Variants in RAD51B observed in about 807,000 individuals in gnomAD.
RAD51B encodes RAD51 paralog B.
A neutral mutation model predicts 42.2 loss-of-function variants in RAD51B; 38 were observed. The observed-to-expected ratio is 0.90, with a 90% CI of 0.70 to 1.18. The LOEUF is 1.18. Among genes scored for constraint, RAD51B ranks in the 50% most tolerant of loss-of-function variants. The pLI is 0.00. For missense variants in RAD51B, 373 were observed against 400.7 expected (o/e 0.93, Z 0.59); for synonymous variants, 154 against 145.2 (o/e 1.06, Z -0.43).
intron 7 of RAD51B, among the ~76,000 whole-genome samples, chr14:67,903,359 A>G (rs543716341): frequency 1.7e-3 from 263 of 152,304 alleles, no homozygotes; most frequent in African/African-American, 6.1e-3. Flanking sequence ...TTCTTTCTGA[A>G]GTGTAACCTA....
chr14:68,335,070 G>A (rs540516552), intron 8 of RAD51B, among the ~76,000 whole-genome samples: 1 of 150,286 alleles, frequency 6.7e-6, no homozygotes, highest in African/African-American at 2.4e-5. Context: ...GCCGAGGCAG[G>A]CAGATCACTT....
chr14:67,850,528 A>G (rs1451192707), intron 4 of RAD51B, among the ~76,000 whole-genome samples: 3 of 152,066 alleles, frequency 2.0e-5, no homozygotes, highest in Admixed American at 6.6e-5. Flanking sequence ...CTTACGGGTG[A>G]GAGTCAGCTG....
At chr14:67,910,571 A>G (rs1036991987) in intron 7 of RAD51B, among the ~76,000 whole-genome samples, 7 of 151,850 alleles carry the variant, frequency 4.6e-5, no homozygotes, top group Non-Finnish European at 5.9e-5. Flanking sequence ...TGACTCGTAA[A>G]GTCAGTGTCG....
chr14:68,375,096 G>A lies in RAD51B; in HGVS notation c.854-36328G>A, dbSNP rs17105484. Reference sequence around the variant, plus strand: ...TGTAAAGGTTAGTGCAGATGGAACTGCTTCAACAACCAAAACTTAGCGTTA... The same window carrying A: ...TGTAAAGGTTAGTGCAGATGGAACTACTTCAACAACCAAAACTTAGCGTTA... On this transcript the variant is annotated intron_variant, in intron 8 of 10. Transcript: ENST00000471583. Among the ~76,000 whole-genome samples, 609 of 152,090 alleles carry A rather than the reference G, an allele frequency of 4.0e-3. 7 individuals are homozygous for A. The highest frequency in any genetic ancestry group is 0.014 in the African/African-American group (581 of 41,476).
At chr14:67,893,490 ACACACACAC>A (rs2043287030) in intron 7 of RAD51B, among the ~76,000 whole-genome samples, 2 of 76,484 alleles carry the variant, frequency 2.6e-5, no homozygotes, top group African/African-American at 1.4e-4. Flanking sequence ...ACACACACAC[ACACACACAC>A]ACACACACAC....
At chr14:68,450,343 C>T (rs949861792) in intron 9 of RAD51B, among the ~76,000 whole-genome samples, 1 of 150,796 alleles carries the variant, frequency 6.6e-6, no homozygotes. Flanking sequence ...CTCAGCGTCT[C>T]GAGTAGCTGG....
intron 4 of RAD51B, among the ~76,000 whole-genome samples, chr14:67,852,400 G>A (rs2041855301): frequency 6.6e-6 from 1 of 152,230 alleles, no homozygotes; most frequent in South Asian, 2.1e-4. Context: ...CCGACTCCAT[G>A]TGGGGTTGAG....
intron 5 of RAD51B, among the ~76,000 whole-genome samples, chr14:67,873,634 C>T (rs988415911): frequency 1.3e-5 from 2 of 151,628 alleles, no homozygotes; most frequent in Non-Finnish European, 2.9e-5. Flanking sequence ...AAGACACATG[C>T]ACACGTATGT....
intron 9 of RAD51B, among the ~76,000 whole-genome samples, chr14:68,428,412 CA>C (rs2084905457): frequency 6.6e-6 from 1 of 151,918 alleles, no homozygotes; most frequent in Admixed American, 6.6e-5. Flanking sequence ...TTTTGACAAA[CA>C]GTCTAAGAAC....
chr14:68,534,425 C>T (rs1264985803), intron 10 of RAD51B, among the ~76,000 whole-genome samples: 2 of 152,080 alleles, frequency 1.3e-5, no homozygotes, highest in Non-Finnish European at 2.9e-5. Context: ...GAATGAGCAT[C>T]CAAATAGCTG....
At chr14:68,051,575 T>A (rs2076394323) in intron 7 of RAD51B, among the ~76,000 whole-genome samples, 1 of 152,092 alleles carries the variant, frequency 6.6e-6, no homozygotes, top group South Asian at 2.1e-4. Flanking sequence ...TGCACTTTGC[T>A]AATAATAGAG....
At chr14:68,451,692 C>T (rs372869487) in intron 9 of RAD51B, among the ~76,000 whole-genome samples, 2 of 152,152 alleles carry the variant, frequency 1.3e-5, no homozygotes, top group East Asian at 1.9e-4. Flanking sequence ...TTAATTTGAC[C>T]GTGCTCTGAA....
chr14:68,389,571 CT>C (rs930925698), intron 8 of RAD51B, among the ~76,000 whole-genome samples: 5 of 152,098 alleles, frequency 3.3e-5, no homozygotes, highest in African/African-American at 7.2e-5. Flanking sequence ...CTTATGTTAA[CT>C]TTTTTTCCAA....
At chr14:68,351,754 A>G (rs2082795374) in intron 8 of RAD51B, among the ~76,000 whole-genome samples, 1 of 152,158 alleles carries the variant, frequency 6.6e-6, no homozygotes, top group Non-Finnish European at 1.5e-5. Context: ...AGCAGAACAC[A>G]GTGGGGTTTT....
At chr14:68,618,989 C>T (rs1389784650) in intron 10 of RAD51B, among the ~76,000 whole-genome samples, 1 of 152,162 alleles carries the variant, frequency 6.6e-6, no homozygotes, top group Admixed American at 6.5e-5. Flanking sequence ...AGATAAAGAC[C>T]ACTCACGTAG....
At chr14:68,188,729 G>C (rs187834785) in intron 7 of RAD51B, among the ~76,000 whole-genome samples, 1 of 152,234 alleles carries the variant, frequency 6.6e-6, no homozygotes, top group African/African-American at 2.4e-5. Flanking sequence ...ATCTGATCTA[G>C]TCACTCTCCT....
intron 7 of RAD51B, among the ~76,000 whole-genome samples, chr14:67,921,815 C>T (rs2044336405): frequency 6.6e-6 from 1 of 152,104 alleles, no homozygotes; most frequent in Non-Finnish European, 1.5e-5. Context: ...TCTCCTGGTA[C>T]TTCAGTTTCC....
chr14:68,515,365 A>G (rs1886056057), intron 10 of RAD51B, among the ~76,000 whole-genome samples: 1 of 152,120 alleles, frequency 6.6e-6, no homozygotes, highest in South Asian at 2.1e-4. Flanking sequence ...AACTATGAGC[A>G]ACGGGACAAA....
At chr14:68,541,466 C>T (rs554908407) in intron 10 of RAD51B, 19 of 985,300 alleles carry the variant, frequency 1.9e-5, no homozygotes, top group Non-Finnish European at 2.3e-5. Flanking sequence ...GGGGGAATGG[C>T]CCCTCTGGCT....
Sources: allele counts gnomAD v4.1 joint callset (sites outside exome capture counted in the v4.1 genomes callset), GRCh38; gene constraint gnomAD v4.1.1; transcripts MANE v1.5; gene names NCBI Gene and HGNC (gene_info 2026-07-23, HGNC 2026-07-21).